The following CDC37 variants were observed in gnomAD, a reference collection of about 807,000 sequenced individuals.
CDC37 encodes the protein hsp90 co-chaperone Cdc37.
In CDC37, 9 loss-of-function variants were observed where a neutral mutation model predicts 46.9. The observed-to-expected ratio is 0.19, with a 90% CI of 0.12 to 0.33. The LOEUF is 0.33. Ranked by LOEUF, CDC37 falls within the 10% of genes least tolerant of loss-of-function variation. The pLI is 1.00. For synonymous variants in CDC37, 193 were observed against 191.0 expected, an observed-to-expected ratio of 1.01 and a Z score of -0.09; for missense variants, 388 against 514.6, an observed-to-expected ratio of 0.75 and a Z score of 2.38.
At chr19:10,402,955 T>TG (rs1167897618) in intron 1 of CDC37, among the ~76,000 whole-genome samples, 4 of 144,310 alleles carry the variant, frequency 2.8e-5, no homozygotes, top group East Asian at 4.1e-4. Flanking sequence ...ACTACGGAGG[T>TG]GGGGGGGCGA....
chr19:10,392,716 T>G, intron 7 of CDC37: 1 of 280,884 alleles, frequency 3.6e-6, no homozygotes, highest in Non-Finnish European at 6.8e-6. Context: ...CAAAAACAAG[T>G]AGACAAAATC....
Position 10,403,538 on chromosome 19 carries a change from A to G in CDC37, c.-59T>C, listed in dbSNP as rs1213442378. ...GTGGCGGCGACGGCGGCAGCAGTGGAGACTAGGAGCGCGGAGCCCCGCCCC... is the reference window on the plus strand; with the variant it reads ...GTGGCGGCGACGGCGGCAGCAGTGGGGACTAGGAGCGCGGAGCCCCGCCCC... On this transcript the variant is annotated 5_prime_UTR_variant, in exon 1 of 8. Coordinates refer to ENST00000222005, the MANE Select transcript of CDC37 (RefSeq NM_007065.4). 2.3e-6 allele frequency: 3 copies of G among 1,314,848 alleles called. No individual in the cohort carries two copies. Among genetic ancestry groups the G allele is most frequent in the South Asian group, 1.2e-5 (1 of 83,714 alleles). The allele number at this position is 1,314,848 out of a possible 1,614,324, so 81.4% of individuals were successfully genotyped here.
At chr19:10,402,157 CAAAAAAAAAAA>C (rs753021871) in intron 1 of CDC37, among the ~76,000 whole-genome samples, 2 of 63,838 alleles carry the variant, frequency 3.1e-5, no homozygotes, top group Admixed American at 3.8e-4. Context: ...AACTTCGTCT[CAAAAAAAAAAA>C]AAAAAAAAAA....
In CDC37 at chr19:10,393,483, T is replaced by C. The variant is rs1447189897; in HGVS notation, c.727-42A>G. The C allele has an allele frequency of 3.2e-6, 5 of 1,572,226 alleles. No individual in the cohort carries two copies. The East Asian group carries it at 1.1e-4, about 35-fold the overall frequency. On this transcript the variant is annotated intron_variant, in intron 5 of 7. Coordinates refer to ENST00000222005, the MANE Select transcript of CDC37 (RefSeq NM_007065.4). The surrounding 1 kb of genome is among the most constrained non-coding windows in gnomAD (Gnocchi z 4.9). ...GTGCTCACTGGACCTGGCCCAACGC[T>C]CAGGAGGGACTGGGGGGCCCAGGAC...
Position 10,396,255 on chromosome 19 carries a change from C to A in CDC37, c.103-52G>T, listed in dbSNP as rs2145418193. The A allele has an allele frequency of 6.4e-7, 1 of 1,559,556 alleles. No homozygotes were observed. The highest frequency in any genetic ancestry group is 2.3e-5 in the East Asian group (1 of 44,386). On this transcript the variant is annotated intron_variant, in intron 1 of 7. Transcript: ENST00000222005. This position sits in a 1 kb window ranked among gnomAD's most constrained non-coding sequence, Gnocchi z 5.9. ...CTGGGGAGTCGTCTGTCCCTTACCC[C>A]CGCCCCATACCCAATCCCTGCACCG...
rs573446087 is a variant in CDC37 at position 10,391,267 on chromosome 19, T to C, written c.*284A>G. 1.1e-3 allele frequency: 525 copies of C among 457,880 alleles called. 3 individuals are homozygous for C. Among genetic ancestry groups the C allele is most frequent in the African/African-American group, 2.6e-3 (132 of 50,322 alleles). 28.4% of individuals were successfully genotyped at this position (457,880 alleles called of 1,614,324 possible). On this transcript the variant is annotated 3_prime_UTR_variant, in exon 8 of 8. Coordinates refer to ENST00000222005, the MANE Select transcript of CDC37 (RefSeq NM_007065.4). ...CTGGGGACCCTCCCCAACTACCTGG[T>C]AGACCAGCCTGGTGACCTCTGCCCT...
In CDC37 at chr19:10,393,076, G is replaced by T. The variant is rs374903549; in HGVS notation, c.981+10C>A. ...CCGCCGGGAAGGCATGGGGCGCGGG[G>T]GTTACTCACGGTGGGGTCCATCTTG... is the stretch of plus-strand genomic sequence containing the variant. On this transcript the variant is annotated intron_variant, in intron 7 of 7. Transcript: ENST00000222005. This position sits in a 1 kb window ranked among gnomAD's most constrained non-coding sequence, Gnocchi z 4.9. The T allele has an allele frequency of 1.9e-6, 3 of 1,612,752 alleles. No homozygotes were observed. Among genetic ancestry groups the T allele is most frequent in the Non-Finnish European group, 2.5e-6 (3 of 1,178,742 alleles).
intron 5 of CDC37, among the ~76,000 whole-genome samples, chr19:10,394,021 C>T (rs1425346133): frequency 1.3e-5 from 2 of 152,226 alleles, no homozygotes; most frequent in East Asian, 3.9e-4. Flanking sequence ...ACCCAGGAGG[C>T]GGAGGTTGCA....
At position 10,391,495 on chromosome 19, in the gene CDC37, T is replaced by C. The variant is rs1460967277; in HGVS notation, c.*56A>G. 1 of 1,604,476 alleles carries C rather than the reference T, an allele frequency of 6.2e-7. No individual in the cohort carries two copies. Among genetic ancestry groups the C allele is most frequent in the African/African-American group, 1.3e-5 (1 of 74,720 alleles). On this transcript the variant is annotated 3_prime_UTR_variant, in exon 8 of 8. Coordinates refer to ENST00000222005, the MANE Select transcript of CDC37 (RefSeq NM_007065.4). ...CGGGCGAGATGGCATCTATCTGTTT[T>C]CTGAAAAGGGGCACATAGGGGCCTG...
At chr19:10,392,972 C>T in intron 7 of CDC37, 114 bp downstream of exon 7, 1 of 901,428 alleles carries the variant, frequency 1.1e-6, no homozygotes, top group Non-Finnish European at 1.8e-6. Flanking sequence ...CCCCCTTACT[C>T]CTTGGAGAAG....
chr19:10,399,918 T>G (rs1599382595), intron 1 of CDC37, among the ~76,000 whole-genome samples: 1 of 84,010 alleles, frequency 1.2e-5, no homozygotes, highest in South Asian at 4.1e-4. Flanking sequence ...GGCAACAGAG[T>G]GAGACTCCGT....
In CDC37 at chr19:10,395,235, A is replaced by G. The variant is rs761019690; in HGVS notation, c.596T>C (p.Val199Ala). The G allele has an allele frequency of 9.9e-6, 16 of 1,613,398 alleles. No homozygotes were observed. The African/African-American group carries it at 2.1e-4, about 22-fold the overall frequency. The change falls in exon 4 of 8, where the codon GTG becomes GCG. Residue 199 changes from valine to alanine, a missense_variant. This residue lies in a region of CDC37 where 374 missense variants were observed against 467.4 expected (regional missense o/e 0.80). Coordinates refer to ENST00000222005, the MANE Select transcript of CDC37 (RefSeq NM_007065.4). ...GGGGAAAGCTCCACTCACCTCCTCC[A>G]CCTCTAGGTCAATGCACCAAATGAC... ...YLVIWCIDLE[V>A]EEKCALMEQV... is the part of the protein sequence containing the mutation.
At chr19:10,397,171 A>T (rs1020463877) in intron 1 of CDC37, among the ~76,000 whole-genome samples, 11 of 152,232 alleles carry the variant, frequency 7.2e-5, no homozygotes, top group African/African-American at 1.7e-4. Context: ...TAAATATGGG[A>T]ACGTGTTCGC....
At chr19:10,394,996 C>A in intron 5 of CDC37, 25 bp downstream of exon 5, 2 of 1,509,928 alleles carry the variant, frequency 1.3e-6, no homozygotes, top group Non-Finnish European at 1.8e-6. Context: ...GGGCCTCCAG[C>A]CACCTGGCAG....
Position 10,393,949 on chromosome 19 carries a change from G to A in CDC37, c.727-508C>T, listed in dbSNP as rs1398807262. On this transcript the variant is annotated intron_variant, in intron 5 of 7. Transcript: ENST00000222005. The surrounding 1 kb of genome is among the most constrained non-coding windows in gnomAD (Gnocchi z 4.9). ...TACTAAAATACAAAAAATTAACCGGGCATGGTGGCACATGCCTGTAGTCCC... is the reference window on the plus strand; with the variant it reads ...TACTAAAATACAAAAAATTAACCGGACATGGTGGCACATGCCTGTAGTCCC... Among the ~76,000 whole-genome samples, 3 of 152,152 alleles carry A rather than the reference G, an allele frequency of 2.0e-5. No individual in the cohort carries two copies. Among genetic ancestry groups the A allele is most frequent in the African/African-American group, 7.2e-5 (3 of 41,436 alleles).
In CDC37 at chr19:10,395,212, G is replaced by C. The variant is rs1179236617; in HGVS notation, c.603+16C>G. On this transcript the variant is annotated intron_variant, in intron 4 of 7. Transcript: ENST00000222005. ...TGGCAGCGCCTTTTCACAGTCCCGGGGAAAGCTCCACTCACCTCCTCCACC... is the reference window on the plus strand; with the variant it reads ...TGGCAGCGCCTTTTCACAGTCCCGGCGAAAGCTCCACTCACCTCCTCCACC... 6.2e-7 allele frequency: 1 copy of C among 1,613,924 alleles called. No individual in the cohort carries two copies. Among genetic ancestry groups the C allele is most frequent in the African/African-American group, 1.3e-5 (1 of 74,896 alleles).
chr19:10,394,014 C>CAGG (rs2145416516), intron 5 of CDC37, among the ~76,000 whole-genome samples: 1 of 152,216 alleles, frequency 6.6e-6, no homozygotes, highest in South Asian at 2.1e-4. Flanking sequence ...CGCTTGAACC[C>CAGG]AGGAGGCGGA....
At position 10,393,058 on chromosome 19, in the gene CDC37, G is replaced by A. The variant is rs2042466446; in HGVS notation, c.981+28C>T. 6.2e-7 allele frequency: 1 copy of A among 1,603,512 alleles called. No individual in the cohort carries two copies. Among genetic ancestry groups the A allele is most frequent in the Non-Finnish European group, 8.5e-7 (1 of 1,170,402 alleles). On this transcript the variant is annotated intron_variant, in intron 7 of 7. Transcript: ENST00000222005. This position sits in a 1 kb window ranked among gnomAD's most constrained non-coding sequence, Gnocchi z 4.9. ...CTGGGGGAGACACACGGCCCGCCGG[G>A]AAGGCATGGGGCGCGGGGGTTACTC...
At position 10,395,913 on chromosome 19, in the gene CDC37, G is replaced by T; in HGVS notation, c.378+15C>A. Reference sequence around the variant, plus strand: ...GCTGCGCATGCGCACTGCCCGCCCCGCCCGCCCCGCACACCTTGCTGAAGC... The same window carrying T: ...GCTGCGCATGCGCACTGCCCGCCCCTCCCGCCCCGCACACCTTGCTGAAGC... On this transcript the variant is annotated intron_variant, in intron 2 of 7. Coordinates refer to ENST00000222005, the MANE Select transcript of CDC37 (RefSeq NM_007065.4). 2.4e-6 allele frequency: 1 copy of T among 419,646 alleles called. No homozygotes were observed. Among genetic ancestry groups the T allele is most frequent in the Non-Finnish European group, 4.2e-6 (1 of 237,972 alleles). The allele number at this position is 419,646 out of a possible 1,614,324, so 26.0% of individuals were successfully genotyped here.
Sources: gnomAD v4.1 joint callset for allele counts (sites outside exome capture counted in the v4.1 genomes callset) on GRCh38, gnomAD v4.1.1 for gene constraint, gnomAD v4.1.1 regional missense constraint, Gnocchi (gnomAD v3.1) non-coding constraint, MANE v1.5 for transcripts, NCBI Gene and HGNC (gene_info 2026-07-23, HGNC 2026-07-21) for gene names.